Variants in TGFB3 observed in about 807,000 individuals in gnomAD.
TGFB3 encodes transforming growth factor beta-3 proprotein.
In TGFB3, 5 loss-of-function variants were observed where a neutral mutation model predicts 40.1. The ratio of observed to expected loss-of-function variants is 0.12; its 90% CI spans 0.07 to 0.26. TGFB3 has a LOEUF of 0.26. TGFB3 is among the 10% of genes least tolerant of loss of function. TGFB3 has a pLI of 1.00. For synonymous variants in TGFB3, 184 were observed against 205.6 expected (o/e 0.89, Z 0.90); for missense variants, 373 against 530.1 (o/e 0.70, Z 2.91).
At chr14:75,973,352 G>C (rs2035316317) in intron 1 of TGFB3, among the ~76,000 whole-genome samples, 1 of 152,244 alleles carries the variant, frequency 6.6e-6, no homozygotes, top group African/African-American at 2.4e-5. Context: ...TGGTGGGCCT[G>C]ACGCTGGTTC....
chr14:75,963,206 G>T, intron 5 of TGFB3, 110 bp downstream of exon 5: 1 of 1,214,880 alleles, frequency 8.2e-7, no homozygotes, highest in Non-Finnish European at 1.2e-6. Flanking sequence ...AGATGTTTGT[G>T]AATAGCATCA....
intron 3 of TGFB3, chr14:75,970,543 A>G (rs552977492): frequency 6.7e-6 from 1 of 149,034 alleles, no homozygotes; most frequent in African/African-American, 2.5e-5. Flanking sequence ...TAGGCAACAG[A>G]GCGAGACTCA....
At chr14:75,969,646 A>G (rs903969784) in intron 3 of TGFB3, among the ~76,000 whole-genome samples, 1 of 152,136 alleles carries the variant, frequency 6.6e-6, no homozygotes, top group African/African-American at 2.4e-5. Flanking sequence ...TGTGGGTAAG[A>G]TATTTGGGAC....
chr14:75,962,794 C>T (rs190549537), intron 5 of TGFB3, among the ~76,000 whole-genome samples: 1 of 152,174 alleles, frequency 6.6e-6, no homozygotes, highest in Non-Finnish European at 1.5e-5. Flanking sequence ...TGGGTCTTTT[C>T]TATCTCTCTA....
chr14:75,974,842 G>C lies in TGFB3; in HGVS notation c.353-3124C>G, dbSNP rs535652091. 2.6e-5 allele frequency among the ~76,000 whole-genome samples: 4 copies of C among 151,840 alleles called. No homozygotes were observed. The East Asian group carries it at 5.8e-4, about 22-fold the overall frequency. Reference sequence around the variant, plus strand: ...TGGCTCACGCCTGTAATCCCAGCCAGCACCTTGGGAGGCTGAGGTGGGTGG... The same window carrying C: ...TGGCTCACGCCTGTAATCCCAGCCACCACCTTGGGAGGCTGAGGTGGGTGG... On this transcript the variant is annotated intron_variant, in intron 1 of 6. Coordinates refer to ENST00000238682, the MANE Select transcript of TGFB3 (RefSeq NM_003239.5).
chr14:75,969,081 AG>A (rs1410442163), intron 3 of TGFB3, among the ~76,000 whole-genome samples: 1 of 152,222 alleles, frequency 6.6e-6, no homozygotes, highest in East Asian at 1.9e-4. Flanking sequence ...CAAGAAGTCC[AG>A]GTTTTATGTG....
At chr14:75,965,744 G>C in intron 3 of TGFB3, 49 bp from the exon 4 acceptor site, 2 of 1,472,244 alleles carry the variant, frequency 1.4e-6, no homozygotes, top group Non-Finnish European at 1.9e-6. Flanking sequence ...GTGTGATGGG[G>C]AAGTGTGCCC....
At chr14:75,972,617 G>A (rs1462686076) in intron 1 of TGFB3, among the ~76,000 whole-genome samples, 2 of 152,190 alleles carry the variant, frequency 1.3e-5, no homozygotes, top group African/African-American at 4.8e-5. Flanking sequence ...ATGTTACATG[G>A]AGTGACTGCT....
rs796051885 is a variant in TGFB3 at position 75,963,344 on chromosome 14, G to A, written c.898C>T (p.Arg300Trp). The change falls in exon 5 of 7, where the codon CGG becomes TGG. Residue 300 changes from arginine (R) to tryptophan (W), a missense_variant. Arg to Trp is a moderately radical substitution (Grantham distance 101, BLOSUM62 -3). Coordinates refer to ENST00000238682, the MANE Select transcript of TGFB3 (RefSeq NM_003239.5). The stretch of plus-strand genomic sequence containing the variant: ...AAGCAGTAATTGGTGTCCAAAGCCC[G>A]CTTCTTCCTCTGACCCCCCTGGCCC... The part of the protein sequence containing the change: ...NPGQGGQRKK[R>W]ALDTNYCFRN... 2 of 1,614,138 alleles carry A rather than the reference G, an allele frequency of 1.2e-6. No individual in the cohort carries two copies. Among genetic ancestry groups the A allele is most frequent in the Non-Finnish European group, 1.7e-6 (2 of 1,180,008 alleles).
In TGFB3 at chr14:75,981,173, G is replaced by A. The variant is rs1422214608; in HGVS notation, c.-280C>T. 1.1e-5 allele frequency: 5 copies of A among 474,526 alleles called. No individual in the cohort carries two copies. Among genetic ancestry groups the A allele is most frequent in the African/African-American group, 5.9e-5 (3 of 51,080 alleles). The allele number at this position is 474,526 out of a possible 1,614,324, so 29.4% of individuals were successfully genotyped here. A position where few individuals can be genotyped will look rare whatever the true frequency, so the allele number is the denominator to read the frequency against. The stretch of plus-strand genomic sequence containing the variant: ...TTTGCTGGGCTCTGACTCCCAGCAG[G>A]CCAGGTGGAGGGCAAGCAGAGGGCT... On this transcript the variant is annotated 5_prime_UTR_variant, in exon 1 of 7. Transcript: ENST00000238682. The surrounding 1 kb of genome is among the most constrained non-coding windows in gnomAD (Gnocchi z 4.7).
At position 75,967,801 on chromosome 14, in the gene TGFB3, C is replaced by T. The variant is rs563061222; in HGVS notation, c.647-2106G>A. Among the ~76,000 whole-genome samples the T allele has an allele frequency of 2.0e-5, 3 of 152,292 alleles. No homozygotes were observed. The South Asian group carries it at 6.2e-4, about 32-fold the overall frequency. ...AAACAGCTTGCCCAAGATATCCAACCAGTGGATAGTAGTGCCAGGATTCAA... is the reference window on the plus strand; with the variant it reads ...AAACAGCTTGCCCAAGATATCCAACTAGTGGATAGTAGTGCCAGGATTCAA... On this transcript the variant is annotated intron_variant, in intron 3 of 6. Coordinates refer to ENST00000238682, the MANE Select transcript of TGFB3 (RefSeq NM_003239.5).
Position 75,980,659 on chromosome 14 carries a change from G to C in TGFB3, c.235C>G (p.Leu79Val), listed in dbSNP as rs371230847. The change falls in exon 1 of 7, where the codon CTG (leucine) becomes GTG (valine). Residue 79 changes from leucine to valine, a missense_variant. Transcript: ENST00000238682. This position sits in a 1 kb window ranked among gnomAD's most constrained non-coding sequence, Gnocchi z 4.3. The part of the protein sequence containing the change: ...VLALYNSTRE[L>V]LEEMHGEREE... ...CTCTCCCCATGCATCTCCTCCAGCAGCTCCCGGGTGCTGTTGTAAAGGGCC... is the reference window on the plus strand; with the variant it reads ...CTCTCCCCATGCATCTCCTCCAGCACCTCCCGGGTGCTGTTGTAAAGGGCC... 7.4e-6 allele frequency: 12 copies of C among 1,614,130 alleles called. No individual in the cohort carries two copies. In the African/African-American group the frequency reaches 1.5e-4, roughly 20 times the overall value.
chr14:75,980,623 A>G lies in TGFB3; in HGVS notation c.271T>C (p.Cys91Arg). Residue 91 changes from cysteine to arginine, a missense_variant, in exon 1 of 7, where the codon TGC (cysteine) becomes CGC (arginine). Coordinates refer to ENST00000238682, the MANE Select transcript of TGFB3 (RefSeq NM_003239.5). This position sits in a 1 kb window ranked among gnomAD's most constrained non-coding sequence, Gnocchi z 4.3. ...EEMHGEREEG[C>R]TQENTESEYY... The stretch of plus-strand genomic sequence containing the variant: ...TCCGACTCGGTGTTTTCCTGGGTGC[A>G]GCCTTCCTCCCTCTCCCCATGCATC... 1 of 1,614,188 alleles carries G rather than the reference A, an allele frequency of 6.2e-7. No individual in the cohort carries two copies. The highest frequency in any genetic ancestry group is 1.1e-5 in the South Asian group (1 of 91,072).
chr14:75,968,630 G>A (rs2035250194), intron 3 of TGFB3, among the ~76,000 whole-genome samples: 2 of 152,328 alleles, frequency 1.3e-5, no homozygotes, highest in South Asian at 2.1e-4. Context: ...GTAGCCGTCT[G>A]AGTCAGAATT....
chr14:75,959,977 C>G (rs927150862), intron 6 of TGFB3, among the ~76,000 whole-genome samples: 1 of 109,444 alleles, frequency 9.1e-6, no homozygotes, highest in African/African-American at 3.5e-5. Flanking sequence ...GAGTCTCACT[C>G]TTTCACCCAG....
In TGFB3 at chr14:75,971,752, G is replaced by T; in HGVS notation, c.353-34C>A. 1.2e-6 allele frequency: 2 copies of T among 1,612,520 alleles called. No homozygotes were observed. Among genetic ancestry groups the T allele is most frequent in the African/African-American group, 1.3e-5 (1 of 75,052 alleles). ...TAAAGCAGAGCAGAGGGCACAGCAT[G>T]AGCGAGACATGCAGGAACAGTGTGC... is the stretch of plus-strand genomic sequence containing the variant. On this transcript the variant is annotated intron_variant, in intron 1 of 6. Coordinates refer to ENST00000238682, the MANE Select transcript of TGFB3 (RefSeq NM_003239.5). This position sits in a 1 kb window ranked among gnomAD's most constrained non-coding sequence, Gnocchi z 4.5.
intron 1 of TGFB3, among the ~76,000 whole-genome samples, chr14:75,972,613 C>T (rs2035306795): frequency 6.6e-6 from 1 of 152,034 alleles, no homozygotes; most frequent in Non-Finnish European, 1.5e-5. Context: ...AGAAATGTTA[C>T]ATGGAGTGAC....
At position 75,981,250 on chromosome 14, in the gene TGFB3, T is replaced by G. The variant is rs1226341642; in HGVS notation, c.-357A>C. On this transcript the variant is annotated 5_prime_UTR_variant, in exon 1 of 7. Transcript: ENST00000238682. The surrounding 1 kb of genome is among the most constrained non-coding windows in gnomAD (Gnocchi z 4.7). Reference sequence around the variant, plus strand: ...TGGGAAGGGAGCTGGAGTTTTTCCTTAGGTAAAAATAAATAGAGTGGATAT... The same window carrying G: ...TGGGAAGGGAGCTGGAGTTTTTCCTGAGGTAAAAATAAATAGAGTGGATAT... 2.8e-6 allele frequency: 1 copy of G among 359,904 alleles called. No individual in the cohort carries two copies. The highest frequency in any genetic ancestry group is 2.1e-5 in the African/African-American group (1 of 47,876). 22.3% of individuals were successfully genotyped at this position (359,904 alleles called of 1,614,324 possible). A position where few individuals can be genotyped will look rare whatever the true frequency, so the allele number is the denominator to read the frequency against.
At chr14:75,966,399 T>C (rs1419219125) in intron 3 of TGFB3, 1 of 153,624 alleles carries the variant, frequency 6.5e-6, no homozygotes, top group East Asian at 1.9e-4. Flanking sequence ...AGATCACGGT[T>C]ACACTGGGCC....
Sources: gnomAD v4.1 joint callset for allele counts (sites outside exome capture counted in the v4.1 genomes callset) on GRCh38, gnomAD v4.1.1 for gene constraint, Gnocchi (gnomAD v3.1) non-coding constraint, MANE v1.5 for transcripts, NCBI Gene and HGNC (gene_info 2026-07-23, HGNC 2026-07-21) for gene names.